Variants in CUBN observed in about 807,000 individuals in gnomAD.
CUBN encodes 460 kDa receptor.
CUBN carries 282 observed loss-of-function variants against 405.3 expected under a neutral mutation model. The observed-to-expected ratio is 0.70, with a 90% CI of 0.63 to 0.77. The LOEUF (loss-of-function observed/expected upper bound fraction) is 0.77, where lower values mean the gene tolerates loss of function less well. Ranked by LOEUF, CUBN falls within the 30% of genes least tolerant of loss-of-function variation. CUBN has a pLI of 0.00. For missense variants in CUBN, 4,514 were observed against 4,475.2 expected (o/e 1.01, Z -0.25); for synonymous variants, 1,684 against 1,617.0 (o/e 1.04, Z -0.99).
At chr10:17,015,757 G>A (rs1834310734) in intron 28 of CUBN, among the ~76,000 whole-genome samples, 1 of 152,202 alleles carries the variant, frequency 6.6e-6, no homozygotes, top group Admixed American at 6.5e-5. Context: ...GATTGCCTCA[G>A]CATAGTGGAC....
chr10:17,083,366 G>A (rs112042567), intron 17 of CUBN, among the ~76,000 whole-genome samples: 14,753 of 152,032 alleles, frequency 0.097, 756 homozygotes, highest in African/African-American at 0.12. Context: ...TTAGCCGGGC[G>A]TGGTGGCACA....
intron 17 of CUBN, among the ~76,000 whole-genome samples, chr10:17,076,977 C>G (rs1270580344): frequency 6.6e-6 from 1 of 152,084 alleles, no homozygotes; most frequent in African/African-American, 2.4e-5. Context: ...GCAGCATAAC[C>G]TAGAGAAAGA....
At chr10:17,063,690 T>C (rs1474479771) in intron 22 of CUBN, among the ~76,000 whole-genome samples, 4 of 152,226 alleles carry the variant, frequency 2.6e-5, no homozygotes, top group South Asian at 2.1e-4. Context: ...AGGATGGTAA[T>C]AGAATTGTTT....
intron 31 of CUBN, among the ~76,000 whole-genome samples, chr10:16,970,711 G>A (rs190115966): frequency 3.6e-4 from 55 of 151,874 alleles, no homozygotes; most frequent in South Asian, 2.7e-3. Flanking sequence ...TATTCACTTC[G>A]TAGGAAGCAT....
intron 45 of CUBN, among the ~76,000 whole-genome samples, chr10:16,916,474 T>C (rs1171871273): frequency 6.6e-6 from 1 of 152,180 alleles, no homozygotes; most frequent in African/African-American, 2.4e-5. Flanking sequence ...ATTCCTAGTT[T>C]TACTCTCAAC....
chr10:16,888,620 T>C (rs905554282), intron 55 of CUBN, 54 bp from the exon 56 acceptor site: 1 of 1,544,402 alleles, frequency 6.5e-7, no homozygotes, highest in African/African-American at 1.4e-5. Context: ...TGTATCTATT[T>C]TGTCCATGAA....
intron 17 of CUBN, among the ~76,000 whole-genome samples, chr10:17,078,677 G>A (rs914010552): frequency 1.3e-5 from 2 of 152,108 alleles, no homozygotes; most frequent in African/African-American, 2.4e-5. Flanking sequence ...ATGAATGAAT[G>A]GTCTCTTTCT....
intron 45 of CUBN, among the ~76,000 whole-genome samples, chr10:16,918,308 GT>G (rs1344111922): frequency 6.6e-6 from 1 of 152,098 alleles, no homozygotes; most frequent in Non-Finnish European, 1.5e-5. Flanking sequence ...TTTTAAAATA[GT>G]TTTTTCTAGT....
intron 38 of CUBN, 69 bp downstream of exon 38, chr10:16,938,894 C>A: frequency 7.3e-7 from 1 of 1,372,654 alleles, no homozygotes; most frequent in Non-Finnish European, 1.0e-6. Flanking sequence ...ATAGACGTTA[C>A]CTTGGATTTA....
rs750067790 is a variant in CUBN at position 16,903,969 on chromosome 10, T to C, written c.8059A>G (p.Thr2687Ala). 6.2e-7 allele frequency: 1 copy of C among 1,603,416 alleles called. No individual in the cohort carries two copies. The highest frequency in any genetic ancestry group is 1.1e-5 in the South Asian group (1 of 89,966). The change falls in exon 51 of 67, where the codon ACA becomes GCA. Residue 2687 changes from threonine to alanine, a missense_variant. Physicochemically the swap from Thr to Ala is moderately conservative, Grantham distance 58. Transcript: ENST00000377833. ...AGATCTTAATTATAATTCTTACCTGTAAAGGAATACTTTGCATGGAATCCA... is the reference window on the plus strand; with the variant it reads ...AGATCTTAATTATAATTCTTACCTGCAAAGGAATACTTTGCATGGAATCCA... ...HIGFHAKYSFTDCGGIQIGDS... is the reference protein window; with the variant it reads ...HIGFHAKYSFADCGGIQIGDS...
At chr10:17,041,344 G>A (rs1835015030) in intron 26 of CUBN, 124 bp from the exon 27 acceptor site, 3 of 727,870 alleles carry the variant, frequency 4.1e-6, no homozygotes, top group Non-Finnish European at 7.3e-6. Flanking sequence ...CATATATGAT[G>A]TGTATATATG....
Position 17,122,296 on chromosome 10 carries a change from A to T in CUBN, c.593+499T>A, listed in dbSNP as rs189674934. 2,051 of 230,282 alleles carry T rather than the reference A, an allele frequency of 8.9e-3. 42 individuals carry two copies. The highest frequency in any genetic ancestry group is 0.046 in the African/African-American group (1,955 of 42,910). 14.3% of individuals were successfully genotyped at this position (230,282 alleles called of 1,614,324 possible). A position where few individuals can be genotyped will look rare whatever the true frequency, so the allele number is the denominator to read the frequency against. On this transcript the variant is annotated intron_variant, in intron 6 of 66. Coordinates refer to ENST00000377833, the MANE Select transcript of CUBN (RefSeq NM_001081.4). ...GTGGTCAGAGAGAGTTACTTCATTC[A>T]TTGAACCTCAGTTTAATCTTTGACC...
At chr10:17,022,588 C>T (rs1260162393) in intron 27 of CUBN, among the ~76,000 whole-genome samples, 1 of 152,196 alleles carries the variant, frequency 6.6e-6, no homozygotes, top group African/African-American at 2.4e-5. Flanking sequence ...TTCAGTCCCA[C>T]CCTCTCCTGC....
intron 43 of CUBN, 130 bp downstream of exon 43, chr10:16,925,111 T>C (rs1293503818): frequency 2.9e-6 from 2 of 687,520 alleles, no homozygotes; most frequent in Non-Finnish European, 5.1e-6. Context: ...ATGTATCAAA[T>C]ATAATAAGTA....
chr10:16,896,984 A>G (rs373683911), intron 54 of CUBN, among the ~76,000 whole-genome samples: 26 of 151,780 alleles, frequency 1.7e-4, no homozygotes, highest in African/African-American at 6.3e-4. Flanking sequence ...ATGTTAGTGT[A>G]TTTTTCAGTT....
At chr10:16,969,455 A>G (rs1269500116) in intron 31 of CUBN, among the ~76,000 whole-genome samples, 1 of 152,050 alleles carries the variant, frequency 6.6e-6, no homozygotes, top group Non-Finnish European at 1.5e-5. Context: ...CCGGGGTTCA[A>G]GTGATTCTCC....
intron 51 of CUBN, among the ~76,000 whole-genome samples, chr10:16,901,937 C>CACT (rs1841394990): frequency 9.1e-6 from 1 of 109,728 alleles, no homozygotes; most frequent in Non-Finnish European, 1.9e-5. Context: ...ACACACACAC[C>CACT]ATATATAGTA....
rs765941616 is a variant in CUBN at position 17,123,653 on chromosome 10, G to A, written c.424C>T (p.Gln142Ter). ...AGATTGAGGCAGGTTCCACCATTCT[G>A]GCAAGGATTGCTGCTGCAAACCTTT... The part of the protein sequence containing the change: ...DKKVCSSNPC[Q>*]NGGTCLNLHD... Residue 142 changes from glutamine to a stop codon, truncating the protein, a stop_gained, in exon 5 of 67, where the codon CAG (glutamine) becomes TAG (stop). Transcript: ENST00000377833. LOFTEE classifies it high-confidence loss of function. 6.2e-7 allele frequency: 1 copy of A among 1,614,022 alleles called. No homozygotes were observed. The highest frequency in any genetic ancestry group is 8.5e-7 in the Non-Finnish European group (1 of 1,179,990).
chr10:16,926,938 A>G (rs1426540911), intron 41 of CUBN, among the ~76,000 whole-genome samples: 3 of 151,850 alleles, frequency 2.0e-5, no homozygotes, highest in African/African-American at 7.3e-5. Context: ...TGACTAGTAT[A>G]CATTACACCT....
Sources: allele counts gnomAD v4.1 joint callset (sites outside exome capture counted in the v4.1 genomes callset), GRCh38; gene constraint gnomAD v4.1.1; transcripts MANE v1.5; gene names NCBI Gene and HGNC (gene_info 2026-07-23, HGNC 2026-07-21).